CTBP2: variants seen among roughly 807,000 people sequenced by gnomAD.
CTBP2 encodes the protein C-terminal binding protein 2.
CTBP2 carries 30 observed loss-of-function variants against 80.3 expected under a neutral mutation model. That is an observed-to-expected ratio of 0.37 (90% confidence interval 0.28 to 0.51). CTBP2 has a LOEUF of 0.51. Among genes scored for constraint, CTBP2 ranks in the 20% least tolerant of loss-of-function variants. CTBP2 has a pLI of 0.93. For synonymous variants in CTBP2, 594 were observed against 587.4 expected (o/e 1.01, Z -0.16); for missense variants, 1,212 against 1,375.3 (o/e 0.88, Z 1.88).
At chr10:124,991,580 C>T (rs1331601789) in intron 8 of CTBP2, among the ~76,000 whole-genome samples, 1 of 152,116 alleles carries the variant, frequency 6.6e-6, no homozygotes, top group East Asian at 1.9e-4. Flanking sequence ...TGAATGCACC[C>T]TGGTCGTCAC....
chr10:125,129,938 TC>T (rs1166324455), intron 1 of CTBP2, among the ~76,000 whole-genome samples: 1 of 152,022 alleles, frequency 6.6e-6, no homozygotes, highest in Admixed American at 6.5e-5. Flanking sequence ...AAAAGGGCCC[TC>T]TGGGAAGAAA....
At position 124,993,836 on chromosome 10, in the gene CTBP2, C is replaced by A; in HGVS notation, c.2531+19G>T. ...CTGGGCCCTGTGGGCTCCTGGTAGG[C>A]GGCTGGGGCAACACGCACCTGAAGG... On this transcript the variant is annotated intron_variant, in intron 6 of 8. Transcript: ENST00000309035. 1.2e-5 allele frequency: 19 copies of A among 1,602,716 alleles called. No individual in the cohort carries two copies. The highest frequency in any genetic ancestry group is 1.6e-5 in the Non-Finnish European group (19 of 1,174,562).
chr10:125,026,671 C>T lies in CTBP2; in HGVS notation c.1089G>A (p.Pro363=), dbSNP rs752528438. 1.0e-5 allele frequency: 16 copies of T among 1,604,502 alleles called. No individual in the cohort carries two copies. The highest frequency in any genetic ancestry group is 5.1e-5 in the Admixed American group (3 of 58,788). Residue 363 remains proline (P), a synonymous_variant, in exon 1 of 9, where the codon CCG becomes CCA. Transcript: ENST00000309035. Reference sequence around the variant, plus strand: ...AGCTGCTGGACCGCGCCCGGGGCAGCGGGCCCCCCCGGTCCTGCCTCCGCA... The same window carrying T: ...AGCTGCTGGACCGCGCCCGGGGCAGTGGGCCCCCCCGGTCCTGCCTCCGCA...
intron 2 of CTBP2, among the ~76,000 whole-genome samples, chr10:125,098,660 GAGA>G (rs1564913531): frequency 6.4e-4 from 12 of 18,860 alleles, no homozygotes; most frequent in South Asian, 2.3e-3. Context: ...GGGAGGGGGA[GAGA>G]GAGAGAGAGA....
chr10:125,077,662 G>C (rs1421124867), intron 2 of CTBP2, among the ~76,000 whole-genome samples: 1 of 152,110 alleles, frequency 6.6e-6, no homozygotes, highest in African/African-American at 2.4e-5. Flanking sequence ...CAAACAACTG[G>C]GAGCCTGCCT....
chr10:125,010,825 C>T (rs529815426), intron 1 of CTBP2, among the ~76,000 whole-genome samples: 1 of 152,218 alleles, frequency 6.6e-6, no homozygotes, highest in South Asian at 2.1e-4. Context: ...ATGGCTGTGC[C>T]ATCACCGTGT....
At chr10:125,063,272 C>T (rs1047156890) in intron 2 of CTBP2, among the ~76,000 whole-genome samples, 1 of 152,190 alleles carries the variant, frequency 6.6e-6, no homozygotes, top group Non-Finnish European at 1.5e-5. Context: ...ACAGCATGGG[C>T]GAATCGGTCT....
chr10:125,019,978 C>A (rs1216871033), intron 1 of CTBP2, among the ~76,000 whole-genome samples: 1 of 152,102 alleles, frequency 6.6e-6, no homozygotes, highest in Non-Finnish European at 1.5e-5. Flanking sequence ...ACTTGTGGAG[C>A]CCCAGGATGG....
chr10:125,060,801 C>T (rs1564825897), intron 2 of CTBP2, among the ~76,000 whole-genome samples: 1 of 152,222 alleles, frequency 6.6e-6, no homozygotes, highest in African/African-American at 2.4e-5. Flanking sequence ...CCAGAGAGGC[C>T]GGTGCCCCAA....
chr10:125,152,030 T>A (rs1331711147), intron 1 of CTBP2, among the ~76,000 whole-genome samples: 1 of 151,544 alleles, frequency 6.6e-6, no homozygotes, highest in Non-Finnish European at 1.5e-5. Flanking sequence ...CCCGGGGGTG[T>A]CAGATACCGC....
intron 1 of CTBP2, among the ~76,000 whole-genome samples, chr10:125,022,481 T>A (rs3781419): frequency 2.8e-4 from 41 of 148,422 alleles, no homozygotes; most frequent in Non-Finnish European, 2.9e-4. Flanking sequence ...ACAGCAGGGG[T>A]ACAGGTCAAT....
chr10:125,048,547 C>T (rs1205713659), intron 2 of CTBP2, among the ~76,000 whole-genome samples: 3 of 152,174 alleles, frequency 2.0e-5, no homozygotes, highest in East Asian at 3.9e-4. Context: ...TCTCCCGAGA[C>T]GCTAGCTGGG....
intron 1 of CTBP2, among the ~76,000 whole-genome samples, chr10:125,123,288 C>A (rs779268675): frequency 6.6e-6 from 1 of 152,192 alleles, no homozygotes; most frequent in Non-Finnish European, 1.5e-5. Flanking sequence ...AGACTAAATA[C>A]ACAGCCAAAT....
At chr10:125,056,170 TAAA>T (rs1963876296) in intron 2 of CTBP2, among the ~76,000 whole-genome samples, 3 of 103,496 alleles carry the variant, frequency 2.9e-5, no homozygotes, top group African/African-American at 1.7e-4. Context: ...GTCTCAAAAA[TAAA>T]AATAATAATA....
chr10:124,995,017 C>T (rs937325727), intron 4 of CTBP2, among the ~76,000 whole-genome samples: 5 of 152,238 alleles, frequency 3.3e-5, no homozygotes, highest in African/African-American at 4.8e-5. Flanking sequence ...CATCACCACC[C>T]GTGTCCTCCG....
In CTBP2 at chr10:125,089,984, T is replaced by A. The variant is rs191862180; in HGVS notation, c.-102+21006A>T. Among the ~76,000 whole-genome samples the A allele has an allele frequency of 4.1e-4, 63 of 152,268 alleles. No individual in the cohort carries two copies. The South Asian group carries it at 4.8e-3, about 12-fold the overall frequency. On this transcript the variant is annotated intron_variant, in intron 2 of 10. Transcript: ENST00000337195. ...CGTGTTTGCTCCACTGGTGGGAACC[T>A]GGGGGCCAAGGGGCCCCAGCAGTCA...
chr10:125,078,152 C>G (rs11813683), intron 2 of CTBP2, among the ~76,000 whole-genome samples: 22,331 of 152,058 alleles, frequency 0.15, 2,549 homozygotes, highest in African/African-American at 0.32. Context: ...TGGTGGCAGG[C>G]GCCTGTAGTC....
At chr10:125,094,412 C>T (rs537734588) in intron 2 of CTBP2, among the ~76,000 whole-genome samples, 393 of 152,254 alleles carry the variant, frequency 2.6e-3, no homozygotes, top group Non-Finnish European at 3.4e-3. Context: ...GAAAAAGGGA[C>T]GGACGCAATC....
chr10:125,129,952 C>T (rs1489999485), intron 1 of CTBP2, among the ~76,000 whole-genome samples: 1 of 152,104 alleles, frequency 6.6e-6, no homozygotes, highest in Non-Finnish European at 1.5e-5. Context: ...GGAAGAAAAC[C>T]CCAGGACAAT....
Sources: allele counts gnomAD v4.1 joint callset (sites outside exome capture counted in the v4.1 genomes callset), GRCh38; gene constraint gnomAD v4.1.1; transcripts MANE v1.5; gene names NCBI Gene and HGNC (gene_info 2026-07-23, HGNC 2026-07-21).